Variants in PDIA5 observed in about 807,000 individuals in gnomAD.
PDIA5 encodes protein disulfide-isomerase A5.
Under a neutral mutation model 77.6 loss-of-function variants are expected in PDIA5, and 58 were observed. That is an observed-to-expected ratio of 0.75 (90% CI 0.61 to 0.93). PDIA5 has a LOEUF of 0.93. Ranked by LOEUF, PDIA5 falls within the 40% of genes least tolerant of loss-of-function variation. The pLI is 0.00. For synonymous variants in PDIA5, 250 were observed against 252.1 expected, an observed-to-expected ratio of 0.99 and a Z score of 0.08; for missense variants, 630 against 647.7, an observed-to-expected ratio of 0.97 and a Z score of 0.30.
chr3:123,110,376 G>T (rs886602595), intron 6 of PDIA5, among the ~76,000 whole-genome samples: 1 of 152,202 alleles, frequency 6.6e-6, no homozygotes, highest in Admixed American at 6.5e-5. Context: ...GACTCCTGGG[G>T]ATAAGGATGG....
At chr3:123,086,442 G>C (rs1327808062) in intron 1 of PDIA5, among the ~76,000 whole-genome samples, 1 of 152,184 alleles carries the variant, frequency 6.6e-6, no homozygotes, top group African/African-American at 2.4e-5. Context: ...CTGAGAAGGC[G>C]TGACTCATAT....
At chr3:123,074,971 T>A (rs1051776151) in intron 1 of PDIA5, among the ~76,000 whole-genome samples, 11 of 152,226 alleles carry the variant, frequency 7.2e-5, no homozygotes, top group Non-Finnish European at 1.5e-4. Context: ...CTGTTTATTA[T>A]TTTTTATGGG....
rs752115409 is a variant in PDIA5 at position 123,110,964 on chromosome 3, G to A, written c.501G>A (p.Lys167=). 1 of 1,613,824 alleles carries A rather than the reference G, an allele frequency of 6.2e-7. No homozygotes were observed. Among genetic ancestry groups the A allele is most frequent in the Non-Finnish European group, 8.5e-7 (1 of 1,179,872 alleles). ...DSEKDFRRLL[K]KEEKPLLIMF... ...CTCAGGACTTCAGACGGCTCCTGAA[G>A]AAGGAAGAGAAGCCGCTCCTGATCA... Residue 167 remains lysine (K), a synonymous_variant, in exon 7 of 17, where the codon AAG becomes AAA. Transcript: ENST00000316218.
chr3:123,146,096 C>T lies in PDIA5; in HGVS notation c.982-3C>T, dbSNP rs1262788589. The T allele has an allele frequency of 6.2e-7, 1 of 1,613,940 alleles. No homozygotes were observed. The highest frequency in any genetic ancestry group is 8.5e-7 in the Non-Finnish European group (1 of 1,179,892). On this transcript the variant is annotated splice_region_variant and splice_polypyrimidine_tract_variant and intron_variant, in intron 12 of 16. Transcript: ENST00000316218. The stretch of plus-strand genomic sequence containing the variant: ...TGCATGGTTGGCCTTTCCCCCATCC[C>T]AGAGCTCTGGTGTCCTTGCAGCTGT...
intron 8 of PDIA5, among the ~76,000 whole-genome samples, chr3:123,117,704 A>G (rs899450118): frequency 6.6e-6 from 1 of 151,324 alleles, no homozygotes; most frequent in African/African-American, 2.4e-5. Context: ...TACATACCAC[A>G]TTTTCTTCAT....
chr3:123,072,896 C>T (rs1032736880), intron 1 of PDIA5, among the ~76,000 whole-genome samples: 3 of 129,396 alleles, frequency 2.3e-5, no homozygotes, highest in African/African-American at 1.0e-4. Context: ...GGTTTATTTG[C>T]CCCCTACCTC....
chr3:123,083,844 A>G (rs143719128), intron 1 of PDIA5, among the ~76,000 whole-genome samples: 1 of 152,296 alleles, frequency 6.6e-6, no homozygotes, highest in East Asian at 1.9e-4. Context: ...GAGCGTGCAC[A>G]TTGGAAAGGT....
At chr3:123,137,069 A>G (rs74921168) in intron 11 of PDIA5, among the ~76,000 whole-genome samples, 2,414 of 152,320 alleles carry the variant, frequency 0.016, 73 homozygotes, top group African/African-American at 0.054. Context: ...ATTAATTCCT[A>G]AAAGTGAATT....
At chr3:123,134,261 C>T (rs1358164021) in intron 11 of PDIA5, among the ~76,000 whole-genome samples, 4 of 152,166 alleles carry the variant, frequency 2.6e-5, no homozygotes, top group African/African-American at 9.7e-5. Flanking sequence ...GCTTCTATGC[C>T]TGTAGTAAGT....
chr3:123,102,728 A>T (rs766880099), intron 4 of PDIA5, 23 bp from the exon 5 acceptor site: 2 of 1,582,930 alleles, frequency 1.3e-6, no homozygotes, highest in African/African-American at 2.7e-5. Context: ...TAAAGTTAAC[A>T]CATTTTTCTC....
chr3:123,125,818 C>T (rs370506987), intron 10 of PDIA5, among the ~76,000 whole-genome samples: 2 of 152,304 alleles, frequency 1.3e-5, no homozygotes, highest in East Asian at 1.9e-4. Flanking sequence ...CTGTCCCCAT[C>T]GGCTACCTCA....
In PDIA5 at chr3:123,134,046, T is replaced by TA. The variant is rs200058452; in HGVS notation, c.910+3431dup. Among the ~76,000 whole-genome samples the TA allele has an allele frequency of 4.4e-3, 667 of 151,932 alleles. 8 individuals carry two copies. The highest frequency in any genetic ancestry group is 0.014 in the African/African-American group (589 of 41,348). On this transcript the variant is annotated intron_variant, in intron 11 of 16. Transcript: ENST00000316218. ...TTTTCTTTTCTTTCTTTTTTTGACA[T>TA]AGAGTTTTGCTCTGTCACTCAGGCT...
Position 123,161,949 on chromosome 3 carries a change from G to A in PDIA5, c.1549G>A (p.Glu517Lys). The change falls in exon 17 of 17, where the codon GAA becomes AAA. Residue 517 changes from glutamate to lysine, a missense_variant. Glu to Lys is a moderately conservative substitution (Grantham distance 56, BLOSUM62 1). Transcript: ENST00000316218. ...CCATGAAAGACTAGGGAAAAAGAAG[G>A]AAGAGTTATAATTCCTGCCTCAGAA... Reference protein sequence around the residue: ...GDHERLGKKKEEL With the variant: ...GDHERLGKKKKEL 6.3e-7 allele frequency: 1 copy of A among 1,591,356 alleles called. No individual in the cohort carries two copies. The highest frequency in any genetic ancestry group is 8.6e-7 in the Non-Finnish European group (1 of 1,159,434).
chr3:123,101,127 G>C (rs1039980226), intron 3 of PDIA5, among the ~76,000 whole-genome samples: 2 of 152,302 alleles, frequency 1.3e-5, no homozygotes, highest in East Asian at 3.9e-4. Flanking sequence ...GGGCACAGGG[G>C]AGCCAAACCT....
intron 8 of PDIA5, 67 bp downstream of exon 8, chr3:123,116,365 G>A: frequency 8.9e-7 from 1 of 1,121,680 alleles, no homozygotes; most frequent in Non-Finnish European, 1.3e-6. Flanking sequence ...AGGGTGCCAG[G>A]GGTGGGGTGG....
intron 5 of PDIA5, among the ~76,000 whole-genome samples, chr3:123,104,744 AC>A (rs1474553515): frequency 6.6e-6 from 1 of 152,108 alleles, no homozygotes; most frequent in Non-Finnish European, 1.5e-5. Flanking sequence ...GATTCAGATG[AC>A]TCACTGATGA....
intron 1 of PDIA5, among the ~76,000 whole-genome samples, chr3:123,086,480 T>A (rs1224434819): frequency 6.6e-6 from 1 of 152,254 alleles, no homozygotes; most frequent in Non-Finnish European, 1.5e-5. Context: ...AGATCCTGGC[T>A]CTACTTACTA....
chr3:123,085,223 G>A (rs1179093091), intron 1 of PDIA5, among the ~76,000 whole-genome samples: 2 of 152,184 alleles, frequency 1.3e-5, no homozygotes, highest in African/African-American at 4.8e-5. Flanking sequence ...ATTTCCTGAG[G>A]GCTTTCAATG....
chr3:123,087,112 T>C lies in PDIA5; in HGVS notation c.43-2056T>C, dbSNP rs190361030. ...ATTTTGGTAAGAGTCTTTTTATTCA[T>C]GATGCTGGGCCCTGCCAACTGAAGA... On this transcript the variant is annotated intron_variant, in intron 1 of 16. Coordinates refer to ENST00000316218, the MANE Select transcript of PDIA5 (RefSeq NM_006810.4). Among the ~76,000 whole-genome samples the C allele has an allele frequency of 6.6e-5, 10 of 152,344 alleles. No individual in the cohort carries two copies. The East Asian group carries it at 1.5e-3, about 23-fold the overall frequency.
Sources: gnomAD v4.1 joint callset for allele counts (sites outside exome capture counted in the v4.1 genomes callset) on GRCh38, gnomAD v4.1.1 for gene constraint, MANE v1.5 for transcripts, NCBI Gene and HGNC (gene_info 2026-07-23, HGNC 2026-07-21) for gene names.